Variants in PRKCH observed in about 807,000 individuals in gnomAD.
PRKCH encodes protein kinase C eta.
In PRKCH, 28 loss-of-function variants were observed where a neutral mutation model predicts 82.5. The ratio of observed to expected loss-of-function variants is 0.34; its 90% CI spans 0.25 to 0.47. The LOEUF (loss-of-function observed/expected upper bound fraction) is 0.47. PRKCH is among the 20% of genes least tolerant of loss of function. PRKCH has a pLI of 1.00. For synonymous variants in PRKCH, 322 were observed against 327.4 expected (o/e 0.98, Z 0.18); for missense variants, 705 against 881.8 (o/e 0.80, Z 2.54).
intron 1 of PRKCH, among the ~76,000 whole-genome samples, chr14:61,334,780 G>A (rs1403049656): frequency 6.6e-6 from 1 of 152,170 alleles, no homozygotes; most frequent in African/African-American, 2.4e-5. Context: ...GGCTTGGTGT[G>A]AAGATTAGAT....
At position 61,280,406 on chromosome 14, in the gene PRKCH, G is replaced by A; in HGVS notation, c.-19+92738G>A. 1 of 1,614,014 alleles carries A rather than the reference G, an allele frequency of 6.2e-7. No homozygotes were observed. The highest frequency in any genetic ancestry group is 8.5e-7 in the Non-Finnish European group (1 of 1,179,894). On this transcript the variant is annotated intron_variant, in intron 1 of 3. Transcript: ENST00000555185. The surrounding 1 kb of genome is among the most constrained non-coding windows in gnomAD (Gnocchi z 5.0). The stretch of plus-strand genomic sequence containing the variant: ...GTGCGCATCCACACCACGAAGTCCT[G>A]ATTGATGAAGCCGGTGTTGTTGGGG...
At chr14:61,488,022 G>A (rs1429786786) in intron 10 of PRKCH, among the ~76,000 whole-genome samples, 2 of 152,040 alleles carry the variant, frequency 1.3e-5, no homozygotes, top group Admixed American at 6.5e-5. Context: ...GCAAGGTGGC[G>A]GGTGCCTGTA....
At chr14:61,210,564 T>C (rs920898677) in intron 1 of PRKCH, among the ~76,000 whole-genome samples, 31 of 152,190 alleles carry the variant, frequency 2.0e-4, no homozygotes, top group African/African-American at 7.2e-4. Context: ...GATTCTGTAC[T>C]TATCATGATA....
At chr14:61,460,794 T>C (rs975245437) in intron 9 of PRKCH, among the ~76,000 whole-genome samples, 2 of 152,160 alleles carry the variant, frequency 1.3e-5, no homozygotes, top group Non-Finnish European at 2.9e-5. Context: ...GTCATTTGGA[T>C]CATCTCAGAG....
intron 1 of PRKCH, among the ~76,000 whole-genome samples, chr14:61,245,130 C>G (rs1331254949): frequency 6.6e-6 from 1 of 152,138 alleles, no homozygotes; most frequent in Non-Finnish European, 1.5e-5. Flanking sequence ...ACAAGAAATA[C>G]CTGTTGATGG....
chr14:61,521,405 A>G (rs182985538), intron 10 of PRKCH, among the ~76,000 whole-genome samples: 46 of 152,244 alleles, frequency 3.0e-4, no homozygotes, highest in African/African-American at 1.0e-3. Context: ...TTCAAATTAT[A>G]TATGATGCAG....
At chr14:61,204,819 T>G (rs2044510171) in intron 1 of PRKCH, among the ~76,000 whole-genome samples, 1 of 150,372 alleles carries the variant, frequency 6.7e-6, no homozygotes, top group Admixed American at 6.6e-5. Flanking sequence ...CTATCTAGAA[T>G]TATGGAGGTT....
intron 1 of PRKCH, among the ~76,000 whole-genome samples, chr14:61,249,211 C>T (rs888943994): frequency 2.6e-5 from 4 of 152,112 alleles, no homozygotes; most frequent in African/African-American, 9.6e-5. Context: ...CTTATAAAAC[C>T]ACCTATCCCC....
chr14:61,320,151 C>A (rs995715317), upstream of PRKCH, among the ~76,000 whole-genome samples: 4 of 151,800 alleles, frequency 2.6e-5, no homozygotes, highest in Admixed American at 2.6e-4. Context: ...ATGATCACAC[C>A]GCTGTATTCC....
At position 61,188,407 on chromosome 14, in the gene PRKCH, G is replaced by A. The variant is rs77980524; in HGVS notation, c.-19+739G>A. 5.4e-4 allele frequency among the ~76,000 whole-genome samples: 82 copies of A among 152,306 alleles called. No individual in the cohort carries two copies. In the East Asian group the frequency reaches 8.7e-3, roughly 16 times the overall value. On this transcript the variant is annotated intron_variant, in intron 1 of 3. Transcript: ENST00000555185. ...AAGGCTGGCCCGCGGCTCTCAGGCAGTTCTGGCTCCGGCTCTGGCTCCGGC... is the reference window on the plus strand; with the variant it reads ...AAGGCTGGCCCGCGGCTCTCAGGCAATTCTGGCTCCGGCTCTGGCTCCGGC...
At chr14:61,263,208 A>G (rs2045065774) in intron 1 of PRKCH, among the ~76,000 whole-genome samples, 1 of 152,024 alleles carries the variant, frequency 6.6e-6, no homozygotes, top group Non-Finnish European at 1.5e-5. Context: ...AGCAGTCATC[A>G]CCCTGGACCT....
chr14:61,486,969 C>G (rs1886252911), intron 10 of PRKCH, among the ~76,000 whole-genome samples: 1 of 152,168 alleles, frequency 6.6e-6, no homozygotes, highest in South Asian at 2.1e-4. Flanking sequence ...AAACTCATGA[C>G]AGTATTGACA....
intron 1 of PRKCH, among the ~76,000 whole-genome samples, chr14:61,265,465 A>C (rs2045091177): frequency 6.6e-6 from 1 of 152,186 alleles, no homozygotes; most frequent in Non-Finnish European, 1.5e-5. Flanking sequence ...TGCGTGACAG[A>C]GCATAACCTT....
intron 9 of PRKCH, among the ~76,000 whole-genome samples, chr14:61,473,591 G>A (rs921077295): frequency 9.8e-5 from 15 of 152,298 alleles, no homozygotes; most frequent in East Asian, 3.9e-4. Flanking sequence ...GCATGAGTTC[G>A]GTTTGGGGGA....
chr14:61,359,165 T>C (rs1485065732), intron 1 of PRKCH, among the ~76,000 whole-genome samples: 1 of 152,240 alleles, frequency 6.6e-6, no homozygotes. Context: ...ATTGAATAAC[T>C]GAATTCAAGA....
intron 1 of PRKCH, among the ~76,000 whole-genome samples, chr14:61,335,215 T>G (rs1223940907): frequency 6.6e-6 from 1 of 151,892 alleles, no homozygotes; most frequent in Non-Finnish European, 1.5e-5. Context: ...AGGGGTGGGG[T>G]AGGGTATAGT....
At chr14:61,250,271 A>AAATAAATAAAT in intron 1 of PRKCH, among the ~76,000 whole-genome samples, 1 of 145,874 alleles carries the variant, frequency 6.9e-6, no homozygotes, top group Middle Eastern at 3.6e-3. Flanking sequence ...ATAAATAAAT[A>AAATAAATAAAT]AATAAATAAA....
At chr14:61,283,995 T>C (rs2045293785) in intron 1 of PRKCH, among the ~76,000 whole-genome samples, 1 of 152,136 alleles carries the variant, frequency 6.6e-6, no homozygotes. Flanking sequence ...GAAGTGTGTA[T>C]CCTGAGGGAA....
chr14:61,319,102 A>G (rs1444013735), upstream of PRKCH, among the ~76,000 whole-genome samples: 1 of 152,104 alleles, frequency 6.6e-6, no homozygotes, highest in African/African-American at 2.4e-5. Context: ...CCTGTGATCT[A>G]CCAGTCTGGT....
Sources: allele counts gnomAD v4.1 joint callset (sites outside exome capture counted in the v4.1 genomes callset), GRCh38; gene constraint gnomAD v4.1.1; non-coding constraint Gnocchi (gnomAD v3.1); transcripts MANE v1.5; gene names NCBI Gene and HGNC (gene_info 2026-07-23, HGNC 2026-07-21).